Variants in ZFHX2 observed in about 807,000 individuals in gnomAD.
ZFHX2 encodes zinc finger homeobox 2.
A neutral mutation model predicts 164.8 loss-of-function variants in ZFHX2; 75 were observed. That is an observed-to-expected ratio of 0.46 (90% CI 0.38 to 0.55). The LOEUF (loss-of-function observed/expected upper bound fraction) is 0.55, where lower values mean the gene tolerates loss of function less well. Among genes scored for constraint, ZFHX2 ranks in the 20% least tolerant of loss-of-function variants. ZFHX2 has a pLI of 0.00. For missense variants in ZFHX2, 2,933 were observed against 3,308.0 expected (o/e 0.89, Z 2.78); for synonymous variants, 1,217 against 1,351.4 (o/e 0.90, Z 2.18).
chr14:23,542,475 G>A (rs1035940316), intron 1 of ZFHX2, among the ~76,000 whole-genome samples: 10 of 152,200 alleles, frequency 6.6e-5, no homozygotes, highest in Non-Finnish European at 1.2e-4. Flanking sequence ...CTTGGAAAGT[G>A]TTGGATGTGT....
chr14:23,533,663 G>T lies in ZFHX2; in HGVS notation c.1663C>A (p.Pro555Thr). The change falls in exon 2 of 10, where the codon CCA becomes ACA. Residue 555 changes from proline (P) to threonine (T), a missense_variant. By Grantham distance (38) the Pro-to-Thr change is conservative (BLOSUM62 -1). Coordinates refer to ENST00000419474, the MANE Select transcript of ZFHX2 (RefSeq NM_033400.3). This position sits in a 1 kb window ranked among gnomAD's most constrained non-coding sequence, Gnocchi z 4.8. ...GQGSPPEASLPPSAGDKEPKT... is the reference protein window; with the variant it reads ...GQGSPPEASLTPSAGDKEPKT... ...GGCTCTTTGTCTCCCGCGGAGGGTG[G>T]GAGTGATGCCTCTGGTGGACTTCCC... is the stretch of plus-strand genomic sequence containing the variant. The T allele has an allele frequency of 6.5e-7, 1 of 1,537,558 alleles. No individual in the cohort carries two copies. Among genetic ancestry groups the T allele is most frequent in the Non-Finnish European group, 8.7e-7 (1 of 1,147,418 alleles).
rs1477194383 is a variant in ZFHX2, at chr14:23,534,632, G to C, written c.694C>G (p.His232Asp). Residue 232 changes from histidine to aspartate, a missense_variant, in exon 2 of 10, where the codon CAC (histidine) becomes GAC (aspartate). By Grantham distance (81) the His-to-Asp change is moderately conservative. Transcript: ENST00000419474. This position sits in a 1 kb window ranked among gnomAD's most constrained non-coding sequence, Gnocchi z 4.5. ...DGPMGNSGGN[H>D]VAVFWLCLLC... is the part of the protein sequence containing the mutation. The stretch of plus-strand genomic sequence containing the variant: ...AGGCAGAGCCAGAAGACCGCCACGT[G>C]GTTGCCCCCGCTGTTCCCCATGGGG... 3.3e-6 allele frequency: 5 copies of C among 1,536,186 alleles called. No individual in the cohort carries two copies. In the East Asian group the frequency reaches 9.8e-5, roughly 30 times the overall value.
At position 23,522,250 on chromosome 14, in the gene ZFHX2, C is replaced by T. The variant is rs1189259662; in HGVS notation, c.7431G>A (p.Gly2477=). 3 of 1,480,934 alleles carry T rather than the reference C, an allele frequency of 2.0e-6. No individual in the cohort carries two copies. Among genetic ancestry groups the T allele is most frequent in the Admixed American group, 4.4e-5 (2 of 45,382 alleles). The allele number at this position is 1,480,934 out of a possible 1,614,324, so 91.7% of individuals were successfully genotyped here. Residue 2477 remains glycine (G), a synonymous_variant, in exon 10 of 10, where the codon GGG becomes GGA. Transcript: ENST00000419474. ...GTGGCATGGAGCCCCCAGAGCCCCGCCCAAAGAAGCAGAAGGATCTCTGGT... is the reference window on the plus strand; with the variant it reads ...GTGGCATGGAGCCCCCAGAGCCCCGTCCAAAGAAGCAGAAGGATCTCTGGT... ...TAHQRSFCFF[G]RGSGGSMPPP...
chr14:23,525,256 G>A lies in ZFHX2; in HGVS notation c.4686C>T (p.Thr1562=). ...CTCGACTTCGCTCTTCAGGGGCACG[G>A]GTCCCCCCTGCCTCAGGCTCTGGGA... is the stretch of plus-strand genomic sequence containing the variant. ...FLVPEPEAGG[T]RAPEERSRAG... is the part of the protein sequence containing the mutation. The change falls in exon 9 of 10, where the codon ACC becomes ACT. Residue 1562 remains threonine, a synonymous_variant. Coordinates refer to ENST00000419474, the MANE Select transcript of ZFHX2 (RefSeq NM_033400.3). This position sits in a 1 kb window ranked among gnomAD's most constrained non-coding sequence, Gnocchi z 5.9. 1 of 1,536,094 alleles carries A rather than the reference G, an allele frequency of 6.5e-7. No individual in the cohort carries two copies.
upstream of ZFHX2, among the ~76,000 whole-genome samples, chr14:23,554,974 C>T (rs967492946): frequency 1.3e-5 from 2 of 152,056 alleles, no homozygotes; most frequent in African/African-American, 4.8e-5. Context: ...GGGCCAACCC[C>T]CATGTTTTCC....
rs1488229085 is a variant in ZFHX2, at chr14:23,523,161, G to T, written c.6739+42C>A. On this transcript the variant is annotated intron_variant, in intron 9 of 9. Transcript: ENST00000419474. This position sits in a 1 kb window ranked among gnomAD's most constrained non-coding sequence, Gnocchi z 4.1. ...AAGGAAGGGCATGTCATTAGAGGGGGATGTTCTCTGAAGTCCAGCTCCTCC... is the reference window on the plus strand; with the variant it reads ...AAGGAAGGGCATGTCATTAGAGGGGTATGTTCTCTGAAGTCCAGCTCCTCC... 6.4e-6 allele frequency: 9 copies of T among 1,410,518 alleles called. No individual in the cohort carries two copies. The highest frequency in any genetic ancestry group is 8.3e-6 in the Non-Finnish European group (9 of 1,088,194). 87.4% of individuals were successfully genotyped at this position (1,410,518 alleles called of 1,614,324 possible).
In ZFHX2 at chr14:23,526,217, G is replaced by T. The variant is rs774455136; in HGVS notation, c.3725C>A (p.Ala1242Asp). 3 of 1,536,420 alleles carry T rather than the reference G, an allele frequency of 2.0e-6. No individual in the cohort carries two copies. The South Asian group carries it at 3.6e-5, about 18-fold the overall frequency. Residue 1242 changes from alanine (A) to aspartate (D), a missense_variant, in exon 9 of 10, where the codon GCT (alanine) becomes GAT (aspartate). By Grantham distance (126) the Ala-to-Asp change is moderately radical (BLOSUM62 -2). Coordinates refer to ENST00000419474, the MANE Select transcript of ZFHX2 (RefSeq NM_033400.3). ...GCACTTAAAGGGCTTGTCTGTGGCA[G>T]CAGTGGTGGTGGGTGGGGCACCGGC... ...GEAGAPPTTT[A>D]ATDKPFKCTV...
chr14:23,555,455 T>G (rs1882285701), upstream of ZFHX2, among the ~76,000 whole-genome samples: 1 of 152,228 alleles, frequency 6.6e-6, no homozygotes, highest in South Asian at 2.1e-4. Flanking sequence ...CCAGGTGCTC[T>G]CCAGTTTCTG....
At position 23,521,941 on chromosome 14, in the gene ZFHX2, T is replaced by C; in HGVS notation, c.*21A>G. The C allele has an allele frequency of 6.5e-7, 1 of 1,535,738 alleles. No individual in the cohort carries two copies. The highest frequency in any genetic ancestry group is 8.7e-7 in the Non-Finnish European group (1 of 1,146,794). On this transcript the variant is annotated 3_prime_UTR_variant, in exon 10 of 10. Transcript: ENST00000419474. ...GAGGGAGCCCTGAGGCCCTCCCCTC[T>C]CCCCATCTTGGTTAATCTGTTTATA...
At position 23,523,086 on chromosome 14, in the gene ZFHX2, A is replaced by C; in HGVS notation, c.6739+117T>G. On this transcript the variant is annotated intron_variant, in intron 9 of 9. Transcript: ENST00000419474. The surrounding 1 kb of genome is among the most constrained non-coding windows in gnomAD (Gnocchi z 4.1). ...CTCCCTTCTTTCCCCCAAGAGCCTG[A>C]TGCAAAGGAAGGCCACAGGAGATTG... 7.1e-7 allele frequency: 1 copy of C among 1,402,650 alleles called. No homozygotes were observed. The highest frequency in any genetic ancestry group is 9.2e-7 in the Non-Finnish European group (1 of 1,083,206). 86.9% of individuals were successfully genotyped at this position (1,402,650 alleles called of 1,614,324 possible).
intron 6 of ZFHX2, among the ~76,000 whole-genome samples, chr14:23,528,135 C>T (rs1055515116): frequency 2.0e-5 from 3 of 152,162 alleles, no homozygotes; most frequent in Admixed American, 2.0e-4. Context: ...TCTTGAACTC[C>T]TGATGCCAGG....
At chr14:23,547,212 G>C (rs1216819662) in intron 1 of ZFHX2, among the ~76,000 whole-genome samples, 2 of 152,244 alleles carry the variant, frequency 1.3e-5, no homozygotes, top group Admixed American at 1.3e-4. Flanking sequence ...TCAAGATCTG[G>C]GCAGCAGTAA....
chr14:23,536,481 T>C (rs1488708445), intron 1 of ZFHX2, among the ~76,000 whole-genome samples: 6 of 152,184 alleles, frequency 3.9e-5, no homozygotes, highest in Admixed American at 2.6e-4. Flanking sequence ...CTCTGGTCAG[T>C]TGAAAGATAA....
chr14:23,523,962 G>A lies in ZFHX2; in HGVS notation c.5980C>T (p.Pro1994Ser), dbSNP rs1196492124. 5.2e-6 allele frequency: 8 copies of A among 1,534,374 alleles called. No individual in the cohort carries two copies. The highest frequency in any genetic ancestry group is 7.0e-6 in the Non-Finnish European group (8 of 1,145,692). The change falls in exon 9 of 10, where the codon CCA becomes TCA. Residue 1994 changes from proline to serine, a missense_variant. Pro to Ser is a moderately conservative substitution (Grantham distance 74, BLOSUM62 -1). Transcript: ENST00000419474. The surrounding 1 kb of genome is among the most constrained non-coding windows in gnomAD (Gnocchi z 4.1). ...GGGGGAGGTAGGAGAGGTAGAGGTG[G>A]CTCTGGTGTTGGGGTGGTGGCCTCT... The part of the protein sequence containing the change: ...GKEATTPTPE[P>S]PLPLLPPPPP...
chr14:23,524,248 C>A lies in ZFHX2; in HGVS notation c.5694G>T (p.Lys1898Asn). The A allele has an allele frequency of 6.5e-7, 1 of 1,536,442 alleles. No individual in the cohort carries two copies. The highest frequency in any genetic ancestry group is 8.7e-7 in the Non-Finnish European group (1 of 1,146,984). The stretch of plus-strand genomic sequence containing the variant: ...TCTGGAACCAGACCTGTACCACTCG[C>A]TTTTTGAGCCCCACCTCCTCGGAGA... ...DCISEEVGLKKRVVQVWFQNT... is the reference protein window; with the variant it reads ...DCISEEVGLKNRVVQVWFQNT... The change falls in exon 9 of 10, where the codon AAG becomes AAT. Residue 1898 changes from lysine to asparagine, a missense_variant. By Grantham distance (94) the Lys-to-Asn change is moderately conservative (BLOSUM62 0). Transcript: ENST00000419474. The surrounding 1 kb of genome is among the most constrained non-coding windows in gnomAD (Gnocchi z 5.6).
At chr14:23,554,038 C>CA (rs61363455), upstream of ZFHX2, among the ~76,000 whole-genome samples, 1,039 of 36,020 alleles carry the variant, frequency 0.029, 159 homozygotes, top group Non-Finnish European at 0.04. Context: ...GACTCTGTCT[C>CA]AAAAAAAAAA....
rs571861237 is a variant in ZFHX2, at chr14:23,534,915, C to T, written c.411G>A (p.Leu137=). The T allele has an allele frequency of 1.3e-5, 20 of 1,536,148 alleles. No individual in the cohort carries two copies. In the Admixed American group the frequency reaches 3.7e-4, roughly 29 times the overall value. The change falls in exon 2 of 10, where the codon CTG becomes CTA. Residue 137 remains leucine, a synonymous_variant. Transcript: ENST00000419474. This position sits in a 1 kb window ranked among gnomAD's most constrained non-coding sequence, Gnocchi z 4.5. ...KLSLPGGSEL[L]LPKGFPWGEA... ...CACCCCAGGGGAAGCCCTTTGGTAA[C>T]AGGAGTTCACTGCCACCTGGCAGGG... is the stretch of plus-strand genomic sequence containing the variant.
intron 1 of ZFHX2, among the ~76,000 whole-genome samples, chr14:23,537,594 C>T (rs964227392): frequency 1.4e-4 from 21 of 152,108 alleles, no homozygotes; most frequent in Middle Eastern, 3.4e-3. Context: ...GTGGGATTAG[C>T]ATGGTAATGA....
chr14:23,550,565 CAA>C (rs888376331), intron 1 of ZFHX2, among the ~76,000 whole-genome samples: 3 of 152,130 alleles, frequency 2.0e-5, no homozygotes, highest in South Asian at 2.1e-4. Context: ...ACAGCAAAAC[CAA>C]AAGTCAGGGA....
Sources: allele counts gnomAD v4.1 joint callset (sites outside exome capture counted in the v4.1 genomes callset), GRCh38; gene constraint gnomAD v4.1.1; non-coding constraint Gnocchi (gnomAD v3.1); transcripts MANE v1.5; gene names NCBI Gene and HGNC (gene_info 2026-07-23, HGNC 2026-07-21).